The following TVP23A variants were observed in gnomAD, a reference collection of about 807,000 sequenced individuals.
TVP23A encodes the protein trans-golgi network vesicle protein 23 homolog A.
In TVP23A, 21 loss-of-function variants were observed where a neutral mutation model predicts 31.7. The observed-to-expected ratio is 0.66, with a 90% CI of 0.47 to 0.95. TVP23A has a LOEUF of 0.95. Among genes scored for constraint, TVP23A ranks in the 40% least tolerant of loss-of-function variants. The probability of loss-of-function intolerance (pLI) is 0.00; values close to 1 mark genes in which losing one functional copy is unlikely to be tolerated. For missense variants in TVP23A, 279 were observed against 255.6 expected (o/e 1.09, Z -0.62); for synonymous variants, 104 against 96.0 (o/e 1.08, Z -0.49).
At chr16:10,802,067 C>T (rs1384250136) in intron 2 of TVP23A, among the ~76,000 whole-genome samples, 1 of 151,360 alleles carries the variant, frequency 6.6e-6, no homozygotes, top group East Asian at 2.0e-4. Flanking sequence ...TGATGTGTTA[C>T]TTACTCTCTA....
chr16:10,801,867 T>G (rs2033709857), intron 2 of TVP23A, among the ~76,000 whole-genome samples: 1 of 152,110 alleles, frequency 6.6e-6, no homozygotes, highest in East Asian at 1.9e-4. Context: ...GAGAATGTCC[T>G]TTTCTTACAG....
intron 2 of TVP23A, among the ~76,000 whole-genome samples, chr16:10,815,922 C>T (rs768985690): frequency 1.1e-4 from 17 of 151,464 alleles, no homozygotes; most frequent in South Asian, 2.1e-4. Flanking sequence ...TAATAGCCTC[C>T]GAAAATATCC....
chr16:10,772,392 C>T (rs148874351), intron 5 of TVP23A, among the ~76,000 whole-genome samples: 19 of 152,136 alleles, frequency 1.2e-4, no homozygotes, highest in South Asian at 1.0e-3. Context: ...TTTTTTAAGA[C>T]GGAGCCTCAC....
intron 2 of TVP23A, among the ~76,000 whole-genome samples, chr16:10,807,040 G>C (rs367746788): frequency 5.9e-5 from 9 of 152,288 alleles, no homozygotes; most frequent in African/African-American, 2.2e-4. Flanking sequence ...ACCTGCTTAT[G>C]TGTCATATTT....
At chr16:10,784,970 G>A (rs1164053426) in intron 2 of TVP23A, among the ~76,000 whole-genome samples, 4 of 151,716 alleles carry the variant, frequency 2.6e-5, no homozygotes, top group African/African-American at 7.3e-5. Context: ...GGTGGCGGGC[G>A]CCTGTAATCC....
At chr16:10,803,590 G>A (rs563144188) in intron 2 of TVP23A, among the ~76,000 whole-genome samples, 9 of 152,304 alleles carry the variant, frequency 5.9e-5, no homozygotes, top group African/African-American at 2.2e-4. Context: ...TGTCTAATGA[G>A]AATGGCCAAC....
chr16:10,779,604 G>T lies in TVP23A; in HGVS notation c.90-4508C>A, dbSNP rs1303010225. On this transcript the variant is annotated intron_variant, in intron 2 of 7. Coordinates refer to ENST00000299866, the MANE Select transcript of TVP23A (RefSeq NM_001079512.4). The surrounding 1 kb of genome is among the most constrained non-coding windows in gnomAD (Gnocchi z 4.9). ...CTGCGTGTGTTCCCGGACCAACTGA[G>T]AATCAGGCGGCATATTCTTGTGGCC... 1.3e-5 allele frequency among the ~76,000 whole-genome samples: 2 copies of T among 152,226 alleles called. No homozygotes were observed. Among genetic ancestry groups the T allele is most frequent in the Non-Finnish European group, 2.9e-5 (2 of 68,046 alleles).
At chr16:10,808,896 A>G (rs1285940707) in intron 2 of TVP23A, among the ~76,000 whole-genome samples, 3 of 152,200 alleles carry the variant, frequency 2.0e-5, no homozygotes, top group Non-Finnish European at 4.4e-5. Context: ...AGACTTTCCT[A>G]CTTTGGGTGG....
At chr16:10,812,983 G>T (rs2034271305) in intron 2 of TVP23A, among the ~76,000 whole-genome samples, 1 of 151,926 alleles carries the variant, frequency 6.6e-6, no homozygotes, top group African/African-American at 2.4e-5. Context: ...TCCTCTGTGT[G>T]CCCAGCTCTG....
At chr16:10,770,631 G>T (rs1028329354) in intron 6 of TVP23A, among the ~76,000 whole-genome samples, 3 of 151,412 alleles carry the variant, frequency 2.0e-5, no homozygotes, top group African/African-American at 7.3e-5. Flanking sequence ...CTAGCACTTT[G>T]GGAGGCCAAG....
chr16:10,790,538 G>C (rs2033048347), intron 2 of TVP23A, among the ~76,000 whole-genome samples: 1 of 152,044 alleles, frequency 6.6e-6, no homozygotes, highest in African/African-American at 2.4e-5. Context: ...GCCCGCCTCG[G>C]GCTCCCAAAG....
intron 2 of TVP23A, among the ~76,000 whole-genome samples, chr16:10,776,526 A>G (rs960637226): frequency 7.2e-5 from 11 of 152,230 alleles, no homozygotes; most frequent in African/African-American, 2.4e-4. Flanking sequence ...TAGAGCACAC[A>G]GGTAGAGAAC....
intron 2 of TVP23A, among the ~76,000 whole-genome samples, chr16:10,792,127 A>AT (rs1485481702): frequency 1.3e-5 from 2 of 152,046 alleles, no homozygotes; most frequent in Non-Finnish European, 2.9e-5. Flanking sequence ...CTCCGGCTGG[A>AT]TTTTTCCCTT....
rs1365994365 is a variant in TVP23A at position 10,779,976 on chromosome 16, T to A, written c.90-4880A>T. 2.0e-5 allele frequency among the ~76,000 whole-genome samples: 3 copies of A among 152,120 alleles called. No homozygotes were observed. The highest frequency in any genetic ancestry group is 7.2e-5 in the African/African-American group (3 of 41,508). ...GGTGGTGCACGCCTATAATTCCAGC[T>A]ACTCGGGAGGCTGAGGCAGGGGAAT... is the stretch of plus-strand genomic sequence containing the variant. On this transcript the variant is annotated intron_variant, in intron 2 of 7. Coordinates refer to ENST00000299866, the MANE Select transcript of TVP23A (RefSeq NM_001079512.4). This position sits in a 1 kb window ranked among gnomAD's most constrained non-coding sequence, Gnocchi z 4.9.
At chr16:10,798,123 T>C (rs192557238) in intron 2 of TVP23A, among the ~76,000 whole-genome samples, 199 of 151,470 alleles carry the variant, frequency 1.3e-3, no homozygotes, top group South Asian at 3.8e-3. Context: ...GCCCAGCTAA[T>C]TTTTTGTATT....
chr16:10,762,046 G>A (rs551321444), downstream of TVP23A: 22 of 541,166 alleles, frequency 4.1e-5, no homozygotes, highest in African/African-American at 1.1e-4. Flanking sequence ...AGACCCCTGC[G>A]GGCAGGTAGC....
chr16:10,799,997 T>G (rs1164884762), intron 2 of TVP23A, among the ~76,000 whole-genome samples: 1 of 145,494 alleles, frequency 6.9e-6, no homozygotes, highest in East Asian at 2.0e-4. Context: ...GTTTTCACCC[T>G]GAGTGGGGTT....
chr16:10,794,875 A>G (rs1181813133), intron 2 of TVP23A, among the ~76,000 whole-genome samples: 1 of 152,140 alleles, frequency 6.6e-6, no homozygotes, highest in Non-Finnish European at 1.5e-5. Context: ...CTCTCAGCCC[A>G]GGGTTTCCAG....
chr16:10,803,259 G>GTGTGTA (rs1279481385), intron 2 of TVP23A, among the ~76,000 whole-genome samples: 1 of 151,474 alleles, frequency 6.6e-6, no homozygotes, highest in African/African-American at 2.4e-5. Flanking sequence ...GTGTGTGTGT[G>GTGTGTA]TGTGTGTGTG....
Sources: allele counts gnomAD v4.1 joint callset (sites outside exome capture counted in the v4.1 genomes callset), GRCh38; gene constraint gnomAD v4.1.1; non-coding constraint Gnocchi (gnomAD v3.1); transcripts MANE v1.5; gene names NCBI Gene and HGNC (gene_info 2026-07-23, HGNC 2026-07-21).